The following CEP57 variants were observed in gnomAD, a reference collection of about 807,000 sequenced individuals.
The protein encoded by CEP57 is centrosomal protein 57, also known as centrosomal protein of 57 kDa.
In CEP57, 40 loss-of-function variants were observed where a neutral mutation model predicts 68.0. The ratio of observed to expected loss-of-function variants is 0.59; its 90% CI spans 0.46 to 0.77. CEP57 has a LOEUF of 0.77. CEP57 is among the 30% of genes least tolerant of loss of function. CEP57 has a pLI of 0.00. For synonymous variants in CEP57, 219 were observed against 198.7 expected, an observed-to-expected ratio of 1.10 and a Z score of -0.86; for missense variants, 606 against 580.7, an observed-to-expected ratio of 1.04 and a Z score of -0.45.
chr11:95,811,970 T>G (rs953597080), intron 2 of CEP57, among the ~76,000 whole-genome samples: 11 of 152,194 alleles, frequency 7.2e-5, no homozygotes, highest in African/African-American at 2.2e-4. Flanking sequence ...CAATTTATTT[T>G]ACACATATAG....
At chr11:95,823,366 GC>G (rs1862592868) in intron 8 of CEP57, among the ~76,000 whole-genome samples, 1 of 152,088 alleles carries the variant, frequency 6.6e-6, no homozygotes, top group African/African-American at 2.4e-5. Context: ...CTACTTACAG[GC>G]AGATTTTTTT....
At chr11:95,808,982 A>AAG (rs769196400) in intron 2 of CEP57, among the ~76,000 whole-genome samples, 1 of 152,122 alleles carries the variant, frequency 6.6e-6, no homozygotes, top group African/African-American at 2.4e-5. Flanking sequence ...AATGTAAAAG[A>AAG]ACAAATTATA....
intron 7 of CEP57, 121 bp from the exon 8 acceptor site, chr11:95,822,378 C>A: frequency 1.3e-6 from 1 of 747,916 alleles, no homozygotes; most frequent in Non-Finnish European, 2.3e-6. Flanking sequence ...ATCATAATGC[C>A]AACTATAGAT....
intron 2 of CEP57, among the ~76,000 whole-genome samples, chr11:95,808,300 C>A (rs1428372226): frequency 6.6e-6 from 1 of 151,954 alleles, no homozygotes; most frequent in South Asian, 2.1e-4. Flanking sequence ...TAGGAAGAAA[C>A]TGCATCAACT....
intron 1 of CEP57, among the ~76,000 whole-genome samples, chr11:95,793,403 TC>T (rs1311415076): frequency 6.3e-5 from 1 of 15,784 alleles, no homozygotes; most frequent in Non-Finnish European, 1.2e-4. Flanking sequence ...TCTTGATTTG[TC>T]CCTCTGACTT....
At position 95,803,787 on chromosome 11, in the gene CEP57, G is replaced by A. The variant is rs545481171; in HGVS notation, c.202+4399G>A. ...AGGAAACATTACTAAAAATTACTGA[G>A]TTTTAAGTTGAACCAGTTCTGGCTT... On this transcript the variant is annotated intron_variant, in intron 2 of 10. Transcript: ENST00000325542. 9.3e-5 allele frequency among the ~76,000 whole-genome samples: 14 copies of A among 151,334 alleles called. No homozygotes were observed. The South Asian group carries it at 2.1e-3, about 23-fold the overall frequency.
intron 2 of CEP57, among the ~76,000 whole-genome samples, chr11:95,804,615 C>G (rs1040405614): frequency 1.3e-5 from 2 of 152,118 alleles, no homozygotes; most frequent in African/African-American, 4.8e-5. Flanking sequence ...AAAAAGTCAC[C>G]TCTGATAAGT....
chr11:95,803,291 A>C lies in CEP57; in HGVS notation c.202+3903A>C, dbSNP rs541580907. 1.1e-4 allele frequency among the ~76,000 whole-genome samples: 17 copies of C among 152,312 alleles called. No homozygotes were observed. The South Asian group carries it at 2.9e-3, about 26-fold the overall frequency. On this transcript the variant is annotated intron_variant, in intron 2 of 10. Transcript: ENST00000325542. ...TTTGAGATGCCTGTGAATTAGATGG[A>C]GATGAATACTAAGCAAATGAAAATT... is the stretch of plus-strand genomic sequence containing the variant.
rs1390672128 is a variant in CEP57 at position 95,831,017 on chromosome 11, T to G, written c.1273-9T>G. ...TCCTTTTCCTTCCTGCCTTGGTTAT[T>G]TGGTATAGCTGGAGAAACAGAAGTT... On this transcript the variant is annotated splice_polypyrimidine_tract_variant and intron_variant, in intron 10 of 10. Transcript: ENST00000325542. 1.9e-6 allele frequency: 3 copies of G among 1,592,732 alleles called. No homozygotes were observed. Among genetic ancestry groups the G allele is most frequent in the Admixed American group, 1.7e-5 (1 of 59,932 alleles).
intron 8 of CEP57, 123 bp downstream of exon 8, chr11:95,822,699 C>CATGCCTTTACCAGTGTGTGGATA: frequency 4.7e-6 from 4 of 857,972 alleles, no homozygotes; most frequent in Non-Finnish European, 7.7e-6. Flanking sequence ...GTGTGTGGAT[C>CATGCCTTTACCAGTGTGTGGATA]ACAGTGATGT....
chr11:95,797,061 A>G (rs1411460956), intron 1 of CEP57, among the ~76,000 whole-genome samples: 1 of 152,074 alleles, frequency 6.6e-6, no homozygotes, highest in Non-Finnish European at 1.5e-5. Flanking sequence ...TACATAATTG[A>G]GTAAATTATT....
intron 8 of CEP57, among the ~76,000 whole-genome samples, chr11:95,824,545 A>C (rs1019416663): frequency 6.6e-6 from 1 of 152,234 alleles, no homozygotes. Context: ...ATGTCAAGAT[A>C]GGAGAAGCAG....
chr11:95,795,510 T>TC (rs397695008), intron 1 of CEP57: 13 of 485,390 alleles, frequency 2.7e-5, no homozygotes, highest in East Asian at 2.4e-4. Context: ...TTTTTTTTTT[T>TC]CTTAGTGTGC....
intron 2 of CEP57, among the ~76,000 whole-genome samples, chr11:95,804,427 A>T (rs1222816246): frequency 6.6e-6 from 1 of 152,230 alleles, no homozygotes; most frequent in Non-Finnish European, 1.5e-5. Context: ...ATAAGCCTTA[A>T]ATGTTGGGGT....
intron 8 of CEP57, chr11:95,826,600 GA>G (rs11356114): frequency 0.18 from 27,929 of 151,446 alleles, 6,216 homozygotes; most frequent in African/African-American, 0.53. Flanking sequence ...AAAGTTGAAG[GA>G]AAAAAAAATT....
intron 1 of CEP57, 71 bp downstream of exon 1, chr11:95,790,814 G>C (rs1861001972): frequency 6.4e-7 from 1 of 1,564,730 alleles, no homozygotes; most frequent in Admixed American, 1.8e-5. Context: ...TCACGTTTCA[G>C]GGCGCTGTCA....
chr11:95,831,827 C>T lies in CEP57; in HGVS notation c.*571C>T, dbSNP rs1863018875. 2.6e-5 allele frequency: 4 copies of T among 152,036 alleles called. No homozygotes were observed. The South Asian group carries it at 8.3e-4, about 32-fold the overall frequency. The allele number at this position is 152,036 out of a possible 1,614,324, so 9.4% of individuals were successfully genotyped here. On this transcript the variant is annotated 3_prime_UTR_variant, in exon 11 of 11. Coordinates refer to ENST00000325542, the MANE Select transcript of CEP57 (RefSeq NM_014679.5). ...CAGACTTTGATCAGTGTTAAGTGCACTTGTATTGCTTTTTAATCTGTTAAT... is the reference window on the plus strand; with the variant it reads ...CAGACTTTGATCAGTGTTAAGTGCATTTGTATTGCTTTTTAATCTGTTAAT...
intron 8 of CEP57, chr11:95,825,798 AT>A (rs1469265493): frequency 6.6e-6 from 1 of 151,808 alleles, no homozygotes; most frequent in African/African-American, 2.4e-5. Context: ...GGGTTTCTCC[AT>A]GTTGGCCAGG....
At chr11:95,801,419 A>G (rs1275487686) in intron 2 of CEP57, among the ~76,000 whole-genome samples, 2 of 149,802 alleles carry the variant, frequency 1.3e-5, no homozygotes, top group Non-Finnish European at 3.0e-5. Flanking sequence ...ATTAAGTTGC[A>G]TGACATTCAA....
Sources: gnomAD v4.1 joint callset for allele counts (sites outside exome capture counted in the v4.1 genomes callset) on GRCh38, gnomAD v4.1.1 for gene constraint, MANE v1.5 for transcripts, NCBI Gene and HGNC (gene_info 2026-07-23, HGNC 2026-07-21) for gene names.